Variants in PTPRK observed in about 807,000 individuals in gnomAD.
The protein encoded by PTPRK is protein tyrosine phosphatase receptor type K.
In PTPRK, 75 loss-of-function variants were observed where a neutral mutation model predicts 178.0. The ratio of observed to expected loss-of-function variants is 0.42; its 90% CI spans 0.35 to 0.51. The LOEUF is 0.51. PTPRK is among the 20% of genes least tolerant of loss of function. PTPRK has a pLI of 0.02. For synonymous variants in PTPRK, 637 were observed against 620.6 expected (o/e 1.03, Z -0.39); for missense variants, 1,441 against 1,797.8 (o/e 0.80, Z 3.59).
rs117130968 is a variant in PTPRK, at chr6:128,294,298, T to A, written c.495+27741A>T. Among the ~76,000 whole-genome samples, 5 of 152,220 alleles carry A rather than the reference T, an allele frequency of 3.3e-5. No homozygotes were observed. In the East Asian group the frequency reaches 9.7e-4, roughly 29 times the overall value. ...ATCAGTCTTTCTAAGGTGTCCATTA[T>A]TGATTAAATCACAGCCTTTCCTTCA... On this transcript the variant is annotated intron_variant, in intron 3 of 29. Transcript: ENST00000368226.
chr6:128,133,483 A>G (rs1021128660), intron 7 of PTPRK, among the ~76,000 whole-genome samples: 5 of 152,212 alleles, frequency 3.3e-5, no homozygotes, highest in African/African-American at 1.2e-4. Context: ...TGAAGTGGTT[A>G]CATTCAATTT....
intron 7 of PTPRK, among the ~76,000 whole-genome samples, chr6:128,141,390 A>C (rs562676607): frequency 7.9e-5 from 12 of 152,048 alleles, no homozygotes; most frequent in African/African-American, 2.9e-4. Flanking sequence ...GAATCATTAT[A>C]TCTTTACCTT....
At chr6:128,017,342 G>T (rs868841419) in intron 13 of PTPRK, among the ~76,000 whole-genome samples, 1 of 151,868 alleles carries the variant, frequency 6.6e-6, no homozygotes, top group East Asian at 1.9e-4. Context: ...TTTTTTTGAG[G>T]ATTTACATCT....
chr6:128,038,761 A>G (rs143304132), intron 13 of PTPRK, among the ~76,000 whole-genome samples: 204 of 152,320 alleles, frequency 1.3e-3, no homozygotes, highest in African/African-American at 4.7e-3. Flanking sequence ...AAAGTGCAAC[A>G]AAATGCACCA....
Position 128,433,251 on chromosome 6 carries a change from C to T in PTPRK, c.101-35563G>A, listed in dbSNP as rs181968951. On this transcript the variant is annotated intron_variant, in intron 1 of 29. Coordinates refer to ENST00000368226, the MANE Select transcript of PTPRK (RefSeq NM_002844.4). Reference sequence around the variant, plus strand: ...TGTTTGTATCCATCAACCAACCCCTCTTCATCCCCGCTTTCCACCCCGCAA... The same window carrying T: ...TGTTTGTATCCATCAACCAACCCCTTTTCATCCCCGCTTTCCACCCCGCAA... Among the ~76,000 whole-genome samples the T allele has an allele frequency of 9.7e-4, 148 of 152,262 alleles. 3 individuals carry two copies. Among genetic ancestry groups the T allele is most frequent in the Non-Finnish European group, 7.8e-4 (53 of 68,006 alleles).
At chr6:128,464,638 C>CATATATATATATATGTATATAT (rs1849545488) in intron 1 of PTPRK, among the ~76,000 whole-genome samples, 1 of 48,602 alleles carries the variant, frequency 2.1e-5, no homozygotes, top group East Asian at 8.2e-4. Context: ...TATATATACA[C>CATATATATATATATGTATATAT]ATATATATAT....
intron 13 of PTPRK, among the ~76,000 whole-genome samples, chr6:128,043,825 A>G (rs994328820): frequency 1.3e-5 from 2 of 151,840 alleles, no homozygotes; most frequent in African/African-American, 4.8e-5. Flanking sequence ...ACATCTGTTC[A>G]GGAATAAAGA....
At chr6:128,084,005 T>A (rs1785293254) in intron 8 of PTPRK, among the ~76,000 whole-genome samples, 181 bp from the exon 9 acceptor site, 2 of 152,278 alleles carry the variant, frequency 1.3e-5, no homozygotes, top group South Asian at 2.1e-4. Flanking sequence ...TATATGAGAA[T>A]TTAAAGCAAG....
At chr6:128,388,727 A>T (rs1027763069) in intron 2 of PTPRK, among the ~76,000 whole-genome samples, 1 of 152,342 alleles carries the variant, frequency 6.6e-6, no homozygotes, top group East Asian at 1.9e-4. Context: ...CTTCACCTAC[A>T]GAATGATGTA....
rs1562576815 is a variant in PTPRK, at chr6:128,464,653, A to ATATG, written c.100+55605_100+55606insCATA. Among the ~76,000 whole-genome samples, 2 of 107,702 alleles carry ATATG rather than the reference A, an allele frequency of 1.9e-5. 1 individual carries two copies. The highest frequency in any genetic ancestry group is 1.8e-4 in the Admixed American group (2 of 10,984). The allele number at this position is 107,702 out of a possible 152,430, so 70.7% of individuals were successfully genotyped here. A position where few individuals can be genotyped will look rare whatever the true frequency, so the allele number is the denominator to read the frequency against. On this transcript the variant is annotated intron_variant, in intron 1 of 29. Transcript: ENST00000368226. Reference sequence around the variant, plus strand: ...TATATATACACATATATATATATATATATATATATATATATATATATACAA... The same window carrying ATATG: ...TATATATACACATATATATATATATATATGTATATATATATATATATATATACAA...
intron 1 of PTPRK, among the ~76,000 whole-genome samples, chr6:128,450,043 CG>C (rs1847574695): frequency 6.8e-6 from 1 of 146,318 alleles, no homozygotes; most frequent in South Asian, 2.2e-4. Context: ...AGGTTGGGGG[CG>C]GGGGCGGAGG....
At chr6:128,230,204 C>T (rs1422381983) in intron 5 of PTPRK, among the ~76,000 whole-genome samples, 2 of 152,066 alleles carry the variant, frequency 1.3e-5, no homozygotes, top group Non-Finnish European at 2.9e-5. Flanking sequence ...CTGAAGAGGG[C>T]ATTAGTATGC....
chr6:128,174,776 C>T (rs1800822600), intron 7 of PTPRK, among the ~76,000 whole-genome samples: 1 of 151,860 alleles, frequency 6.6e-6, no homozygotes, highest in Non-Finnish European at 1.5e-5. Context: ...TTTACTGGCT[C>T]TCAAACCTTA....
At chr6:128,313,010 A>T (rs77195633) in intron 3 of PTPRK, among the ~76,000 whole-genome samples, 7,130 of 152,214 alleles carry the variant, frequency 0.047, 553 homozygotes, top group African/African-American at 0.16. Flanking sequence ...AAATAATTCT[A>T]ACTTTATTCT....
At chr6:128,245,255 G>T (rs1815246863) in intron 3 of PTPRK, among the ~76,000 whole-genome samples, 1 of 148,664 alleles carries the variant, frequency 6.7e-6, no homozygotes, top group Admixed American at 6.6e-5. Context: ...TTACTACATT[G>T]CTTCTCAAGA....
rs376062569 is a variant in PTPRK, at chr6:128,491,852, G to A, written c.100+28407C>T. The A allele has an allele frequency of 2.0e-4, 100 of 510,240 alleles. 1 individual carries two copies. The highest frequency in any genetic ancestry group is 1.5e-3 in the African/African-American group (77 of 51,874). The allele number at this position is 510,240 out of a possible 1,614,324, so 31.6% of individuals were successfully genotyped here. On this transcript the variant is annotated intron_variant, in intron 1 of 29. Transcript: ENST00000368226. ...GTTACCGACCACAAGCACAGACACT[G>A]AAAACGAAAGCGGCTTGGTAACTAA...
chr6:128,239,507 C>T (rs1351720694), intron 5 of PTPRK, among the ~76,000 whole-genome samples: 2 of 152,124 alleles, frequency 1.3e-5, no homozygotes, highest in Non-Finnish European at 2.9e-5. Flanking sequence ...TAATTAAATA[C>T]AAATGTATTA....
In PTPRK at chr6:128,202,852, G is replaced by A. The variant is rs571202054; in HGVS notation, c.868+16070C>T. ...AAAGAAGAGCTGGTACCATTTCTACGGAAACTAATCCAAAAAATTAAGAAG... is the reference window on the plus strand; with the variant it reads ...AAAGAAGAGCTGGTACCATTTCTACAGAAACTAATCCAAAAAATTAAGAAG... On this transcript the variant is annotated intron_variant, in intron 6 of 29. Transcript: ENST00000368226. Among the ~76,000 whole-genome samples, 17 of 152,166 alleles carry A rather than the reference G, an allele frequency of 1.1e-4. No individual in the cohort carries two copies. In the East Asian group the frequency reaches 1.5e-3, roughly 14 times the overall value.
chr6:128,201,432 G>A (rs748405031), intron 6 of PTPRK, among the ~76,000 whole-genome samples: 5 of 152,210 alleles, frequency 3.3e-5, no homozygotes, highest in East Asian at 1.9e-4. Flanking sequence ...GAGTGTGTGC[G>A]TATGTTTACA....
Sources: allele counts gnomAD v4.1 joint callset (sites outside exome capture counted in the v4.1 genomes callset), GRCh38; gene constraint gnomAD v4.1.1; transcripts MANE v1.5; gene names NCBI Gene and HGNC (gene_info 2026-07-23, HGNC 2026-07-21).